The following GRIN2A variants were observed in gnomAD, a reference collection of about 807,000 sequenced individuals.
GRIN2A encodes the protein glutamate receptor ionotropic, NMDA 2A.
Under a neutral mutation model 113.4 loss-of-function variants are expected in GRIN2A, and 22 were observed. The ratio of observed to expected loss-of-function variants is 0.19; its 90% CI spans 0.14 to 0.28. The LOEUF is 0.28. Among genes scored for constraint, GRIN2A ranks in the 10% least tolerant of loss-of-function variants. The pLI is 1.00. For missense variants in GRIN2A, 1,502 were observed against 1,887.0 expected, an observed-to-expected ratio of 0.80 and a Z score of 3.78; for synonymous variants, 827 against 738.4, an observed-to-expected ratio of 1.12 and a Z score of -1.94.
At chr16:9,878,063 T>C (rs1413329288) in intron 4 of GRIN2A, among the ~76,000 whole-genome samples, 1 of 152,084 alleles carries the variant, frequency 6.6e-6, no homozygotes, top group East Asian at 1.9e-4. Context: ...AATAATCTAT[T>C]TGCTCATTTT....
intron 2 of GRIN2A, among the ~76,000 whole-genome samples, chr16:10,035,636 G>C (rs1193458428): frequency 6.6e-6 from 1 of 152,166 alleles, no homozygotes; most frequent in African/African-American, 2.4e-5. Context: ...AGATCTCAGG[G>C]GAAGCCCAAG....
intron 2 of GRIN2A, among the ~76,000 whole-genome samples, chr16:9,994,262 T>A (rs1209786897): frequency 2.0e-5 from 3 of 152,202 alleles, no homozygotes; most frequent in Non-Finnish European, 4.4e-5. Context: ...ATTTGTCAGT[T>A]CCTGGATAGT....
intron 11 of GRIN2A, among the ~76,000 whole-genome samples, chr16:9,796,226 G>A (rs1338454981): frequency 6.6e-6 from 1 of 152,170 alleles, no homozygotes; most frequent in Non-Finnish European, 1.5e-5. Context: ...ACATTTAAAA[G>A]TTTCCAGCCA....
chr16:9,830,399 A>G (rs1232746147), intron 8 of GRIN2A, among the ~76,000 whole-genome samples: 1 of 151,282 alleles, frequency 6.6e-6, no homozygotes, highest in Non-Finnish European at 1.5e-5. Flanking sequence ...ACAGAATGAT[A>G]TGCCAAAATT....
chr16:9,840,711 C>A lies in GRIN2A; in HGVS notation c.1587G>T (p.Val529=). ...AAACCATGACACTGATTCCCGTTTC[C>A]ACAAAGGGCACAGAGAAGTCCACCA... ...SEVVDFSVPF[V]ETGISVMVSR... Residue 529 remains valine (V), a synonymous_variant, in exon 7 of 13, where the codon GTG becomes GTT. Transcript: ENST00000330684. 1 of 1,612,200 alleles carries A rather than the reference C, an allele frequency of 6.2e-7. No homozygotes were observed. The highest frequency in any genetic ancestry group is 8.5e-7 in the Non-Finnish European group (1 of 1,179,650).
chr16:9,923,816 G>A (rs1327821349), intron 3 of GRIN2A, among the ~76,000 whole-genome samples: 1 of 151,922 alleles, frequency 6.6e-6, no homozygotes, highest in Non-Finnish European at 1.5e-5. Context: ...CTTTTAAAAT[G>A]ATTTCATTGT....
chr16:10,042,171 G>A (rs1026527482), intron 2 of GRIN2A, among the ~76,000 whole-genome samples: 4 of 152,158 alleles, frequency 2.6e-5, no homozygotes, highest in African/African-American at 7.2e-5. Context: ...TTTAAAATAT[G>A]TCTGCAAATT....
chr16:10,155,211 G>A (rs1422479614), intron 2 of GRIN2A, among the ~76,000 whole-genome samples: 1 of 152,178 alleles, frequency 6.6e-6, no homozygotes, highest in Non-Finnish European at 1.5e-5. Context: ...GGTCAGCAGG[G>A]GTCAGAAATC....
chr16:10,030,825 G>T lies in GRIN2A; in HGVS notation c.415-92274C>A, dbSNP rs139220292. Among the ~76,000 whole-genome samples, 304 of 152,256 alleles carry T rather than the reference G, an allele frequency of 2.0e-3. 1 individual carries two copies. Among genetic ancestry groups the T allele is most frequent in the Admixed American group, 3.3e-3 (50 of 15,300 alleles). ...GCTACAATCTCAGATACTATTTAAG[G>T]CTTCAGAGATACAGCAGTGAGCAAA... is the stretch of plus-strand genomic sequence containing the variant. On this transcript the variant is annotated intron_variant, in intron 2 of 12. Transcript: ENST00000330684.
chr16:9,948,657 G>A (rs923296532), intron 2 of GRIN2A, among the ~76,000 whole-genome samples: 1 of 152,166 alleles, frequency 6.6e-6, no homozygotes, highest in East Asian at 1.9e-4. Context: ...GTCTTATCCA[G>A]CAAAACACTT....
At chr16:9,789,767 C>T (rs902457290) in intron 11 of GRIN2A, among the ~76,000 whole-genome samples, 4 of 152,170 alleles carry the variant, frequency 2.6e-5, no homozygotes, top group African/African-American at 9.7e-5. Flanking sequence ...TCTATTCATG[C>T]TAATGACATT....
chr16:9,890,068 C>G (rs780150446), intron 4 of GRIN2A, among the ~76,000 whole-genome samples: 2 of 152,094 alleles, frequency 1.3e-5, no homozygotes, highest in Non-Finnish European at 2.9e-5. Flanking sequence ...ATTATGTCTC[C>G]CACAGCACAT....
At chr16:9,946,823 A>T (rs952747284) in intron 2 of GRIN2A, among the ~76,000 whole-genome samples, 22 of 152,202 alleles carry the variant, frequency 1.4e-4, no homozygotes, top group African/African-American at 5.3e-4. Flanking sequence ...TACCATCCTA[A>T]GAAGAAAGCT....
intron 2 of GRIN2A, among the ~76,000 whole-genome samples, chr16:10,000,984 T>C (rs2046310770): frequency 6.6e-6 from 1 of 152,254 alleles, no homozygotes; most frequent in East Asian, 1.9e-4. Context: ...TCTCCATCCC[T>C]GAGACCCATT....
intron 2 of GRIN2A, among the ~76,000 whole-genome samples, chr16:10,031,134 T>A (rs1331620771): frequency 2.0e-5 from 3 of 152,296 alleles, no homozygotes; most frequent in East Asian, 1.9e-4. Context: ...TGGCTTCCAA[T>A]GGCCTCTTCT....
chr16:10,040,235 A>G (rs995364469), intron 2 of GRIN2A, among the ~76,000 whole-genome samples: 7 of 148,098 alleles, frequency 4.7e-5, no homozygotes, highest in Non-Finnish European at 1.0e-4. Context: ...CTACACACAC[A>G]TTCACACCAC....
At chr16:10,005,120 A>G (rs2046383836) in intron 2 of GRIN2A, among the ~76,000 whole-genome samples, 1 of 152,254 alleles carries the variant, frequency 6.6e-6, no homozygotes, top group Non-Finnish European at 1.5e-5. Context: ...GTAGGTTACA[A>G]GCATGAATCA....
intron 2 of GRIN2A, among the ~76,000 whole-genome samples, chr16:10,080,910 C>A (rs1197000018): frequency 6.6e-6 from 1 of 152,110 alleles, no homozygotes; most frequent in African/African-American, 2.4e-5. Flanking sequence ...TCCTTCATTC[C>A]CGTCTCAAAT....
intron 4 of GRIN2A, among the ~76,000 whole-genome samples, chr16:9,872,872 C>G (rs1290157968): frequency 7.1e-6 from 1 of 141,318 alleles, no homozygotes; most frequent in African/African-American, 2.6e-5. Context: ...TCTACAAAAA[C>G]AAAACAAAAT....
Sources: allele counts gnomAD v4.1 joint callset (sites outside exome capture counted in the v4.1 genomes callset), GRCh38; gene constraint gnomAD v4.1.1; transcripts MANE v1.5; gene names NCBI Gene and HGNC (gene_info 2026-07-23, HGNC 2026-07-21).